The following ITGAE variants were observed in gnomAD, a reference collection of about 807,000 sequenced individuals.
The protein encoded by ITGAE is integrin alpha-E.
Under a neutral mutation model 136.5 loss-of-function variants are expected in ITGAE, and 99 were observed. That is an observed-to-expected ratio of 0.73 (90% CI 0.62 to 0.86). ITGAE has a LOEUF of 0.86. ITGAE is among the 40% of genes least tolerant of loss of function. The probability of loss-of-function intolerance (pLI) is 0.00; values close to 1 mark genes in which losing one functional copy is unlikely to be tolerated. For missense variants in ITGAE, 1,447 were observed against 1,515.3 expected (o/e 0.95, Z 0.75); for synonymous variants, 613 against 591.8 (o/e 1.04, Z -0.52).
intron 17 of ITGAE, among the ~76,000 whole-genome samples, chr17:3,747,341 G>A (rs1402659374): frequency 5.3e-5 from 8 of 151,546 alleles, no homozygotes; most frequent in African/African-American, 1.9e-4. Flanking sequence ...TTTCTGAGAC[G>A]GAGTCTCGCT....
chr17:3,728,250 C>A, intron 24 of ITGAE, 82 bp from the exon 25 acceptor site: 1 of 1,067,936 alleles, frequency 9.4e-7, no homozygotes, highest in South Asian at 1.3e-5. Flanking sequence ...GTTGCCCAGG[C>A]TAGAGCACAG....
chr17:3,737,609 T>G (rs2051487915), intron 20 of ITGAE, among the ~76,000 whole-genome samples: 1 of 152,162 alleles, frequency 6.6e-6, no homozygotes, highest in African/African-American at 2.4e-5. Flanking sequence ...GACACACATC[T>G]TAGAGCTCAG....
At chr17:3,729,040 TAAAAA>T (rs368373828) in intron 24 of ITGAE, among the ~76,000 whole-genome samples, 3 of 142,046 alleles carry the variant, frequency 2.1e-5, no homozygotes, top group African/African-American at 5.1e-5. Flanking sequence ...CGTCTCAGTT[TAAAAA>T]AAAAAAAAAA....
intron 1 of ITGAE, chr17:3,784,222 T>G (rs1224123191): frequency 7.7e-6 from 2 of 259,444 alleles, no homozygotes; most frequent in Non-Finnish European, 1.5e-5. Context: ...ATTGCGCCAC[T>G]GCACTCCCGC....
In ITGAE at chr17:3,739,910, A is replaced by G. The variant is rs754706154; in HGVS notation, c.2449-32T>C. 34 of 1,576,304 alleles carry G rather than the reference A, an allele frequency of 2.2e-5. No individual in the cohort carries two copies. The Admixed American group carries it at 5.3e-4, about 25-fold the overall frequency. On this transcript the variant is annotated intron_variant, in intron 19 of 30. Transcript: ENST00000263087. ...CCAGACAGAGAGTCCCGATCAGCCC[A>G]GGCTCCGCCTTCCCCAGCAGCCCTG... is the stretch of plus-strand genomic sequence containing the variant.
intron 10 of ITGAE, 107 bp downstream of exon 10, chr17:3,756,877 G>A: frequency 8.3e-7 from 1 of 1,211,544 alleles, no homozygotes; most frequent in Non-Finnish European, 1.2e-6. Flanking sequence ...CTGAGGTTCA[G>A]GGAGATGATG....
intron 1 of ITGAE, among the ~76,000 whole-genome samples, chr17:3,787,279 G>A (rs896318652): frequency 6.6e-6 from 1 of 151,874 alleles, no homozygotes; most frequent in Non-Finnish European, 1.5e-5. Context: ...ACCCGCCTAA[G>A]TTTTGTATTT....
intron 1 of ITGAE, among the ~76,000 whole-genome samples, chr17:3,783,784 A>T (rs1477423113): frequency 6.6e-6 from 1 of 152,246 alleles, no homozygotes; most frequent in African/African-American, 2.4e-5. Flanking sequence ...AAGGAGATAT[A>T]TGCACACAAA....
intron 1 of ITGAE, among the ~76,000 whole-genome samples, chr17:3,779,054 TAA>T (rs11348875): frequency 0.043 from 6,206 of 143,334 alleles, 171 homozygotes; most frequent in East Asian, 0.13. Context: ...TAACCTATAG[TAA>T]AAAAAAAAAA....
At chr17:3,738,096 C>T (rs912603525) in intron 20 of ITGAE, among the ~76,000 whole-genome samples, 17 of 152,186 alleles carry the variant, frequency 1.1e-4, no homozygotes, top group African/African-American at 4.1e-4. Context: ...ACGGCAACTC[C>T]AGCCAGCTGG....
rs151107375 is a variant in ITGAE, at chr17:3,761,118, C to G, written c.493G>C (p.Gly165Arg). Residue 165 changes from glycine (G) to arginine (R), a missense_variant, in exon 6 of 31, where the codon GGC (glycine) becomes CGC (arginine). Transcript: ENST00000263087. ...GTGTTCACATCGTCTTCTCCACCGC[C>G]TTCTTTGTTGCTGTAGCAGTCTCCA... is the stretch of plus-strand genomic sequence containing the variant. ...DTGDCYSNKE[G>R]GGEDDVNTAR... 94 of 1,613,238 alleles carry G rather than the reference C, an allele frequency of 5.8e-5. No individual in the cohort carries two copies. The highest frequency in any genetic ancestry group is 7.2e-5 in the Non-Finnish European group (85 of 1,180,038).
intron 26 of ITGAE, chr17:3,724,224 ACCC>A (rs760194606): frequency 3.1e-6 from 5 of 1,593,442 alleles, no homozygotes; most frequent in Non-Finnish European, 4.2e-6. Flanking sequence ...CCTGACCGTG[ACCC>A]CAAAGCGCTG....
intron 6 of ITGAE, 146 bp downstream of exon 6, chr17:3,760,867 G>A: frequency 3.3e-6 from 4 of 1,223,610 alleles, no homozygotes; most frequent in Non-Finnish European, 4.4e-6. Flanking sequence ...ATAAGAAAGA[G>A]TGGGTGGAGC....
intron 13 of ITGAE, 61 bp from the exon 14 acceptor site, chr17:3,753,491 T>A: frequency 6.3e-7 from 1 of 1,576,086 alleles, no homozygotes; most frequent in Non-Finnish European, 8.6e-7. Context: ...TCAGCAAGGC[T>A]ACACCCCTGC....
In ITGAE at chr17:3,761,244, C is replaced by T. The variant is rs113283815; in HGVS notation, c.434-67G>A. The T allele has an allele frequency of 1.6e-4, 245 of 1,576,636 alleles. 4 individuals are homozygous for T. The African/African-American group carries it at 2.1e-3, about 13-fold the overall frequency. ...CCATCCTCGCCTGAGCACGCTCACA[C>T]ATGGTTCTGCCCTGATTCCTTTCAC... On this transcript the variant is annotated intron_variant, in intron 5 of 30. Coordinates refer to ENST00000263087, the MANE Select transcript of ITGAE (RefSeq NM_002208.5).
In ITGAE at chr17:3,751,699, A is replaced by T. The variant is rs1487656977; in HGVS notation, c.1844T>A (p.Val615Glu). The T allele has an allele frequency of 6.2e-7, 1 of 1,614,032 alleles. No individual in the cohort carries two copies. Residue 615 changes from valine (V) to glutamate (E), a missense_variant, in exon 15 of 31, where the codon GTG becomes GAG. Val to Glu is a moderately radical substitution (Grantham distance 121). This residue lies in a region of ITGAE where 1,031 missense variants were observed against 1,011.4 expected (regional missense o/e 1.02). Transcript: ENST00000263087. ...GADDGASFGS[V>E]YIYNGHWDGL... is the part of the protein sequence containing the mutation. ...GTCCCAGTGTCCATTGTAGATATAC[A>T]CACTGCCGAAGCTGGCACCATCATC...
chr17:3,794,857 G>A (rs943943600), intron 1 of ITGAE, among the ~76,000 whole-genome samples: 3 of 152,160 alleles, frequency 2.0e-5, no homozygotes, highest in African/African-American at 4.8e-5. Flanking sequence ...TTCACTGTCG[G>A]TATAACTGAA....
At chr17:3,738,454 C>T (rs1210789836) in intron 20 of ITGAE, among the ~76,000 whole-genome samples, 2 of 152,186 alleles carry the variant, frequency 1.3e-5, no homozygotes, top group African/African-American at 4.8e-5. Context: ...CAGGCATGAG[C>T]CACCGCGCCC....
chr17:3,725,733 TTCA>T, intron 26 of ITGAE: 1 of 1,579,422 alleles, frequency 6.3e-7, no homozygotes, highest in Non-Finnish European at 8.6e-7. Context: ...CGACCAGCTC[TTCA>T]TTGTGCTGGA....
Sources: gnomAD v4.1 joint callset for allele counts (sites outside exome capture counted in the v4.1 genomes callset) on GRCh38, gnomAD v4.1.1 for gene constraint, gnomAD v4.1.1 regional missense constraint, MANE v1.5 for transcripts, NCBI Gene and HGNC (gene_info 2026-07-23, HGNC 2026-07-21) for gene names.